The following BIRC6 variants were observed in gnomAD, a reference collection of about 807,000 sequenced individuals.
BIRC6 encodes baculoviral IAP repeat containing 6.
In BIRC6, 98 loss-of-function variants were observed where a neutral mutation model predicts 503.3. The ratio of observed to expected loss-of-function variants is 0.19; its 90% CI spans 0.17 to 0.23. The LOEUF (loss-of-function observed/expected upper bound fraction) is 0.23, where lower values mean the gene tolerates loss of function less well. BIRC6 is among the 10% of genes least tolerant of loss of function. The probability of loss-of-function intolerance (pLI) is 1.00; values close to 1 mark genes in which losing one functional copy is unlikely to be tolerated. For synonymous variants in BIRC6, 2,240 were observed against 2,078.7 expected, an observed-to-expected ratio of 1.08 and a Z score of -2.11; for missense variants, 5,360 against 5,806.0, an observed-to-expected ratio of 0.92 and a Z score of 2.50.
Position 32,574,967 on chromosome 2 carries a change from C to T in BIRC6, c.13145-189C>T, listed in dbSNP as rs567050383. On this transcript the variant is annotated intron_variant, in intron 65 of 73. Coordinates refer to ENST00000421745, the MANE Select transcript of BIRC6 (RefSeq NM_016252.4). ...TTCTACATGTTGGTCAGGCTGGTCT[C>T]GAACTCCCGACCTCGGGTGATCTGC... 32 of 609,936 alleles carry T rather than the reference C, an allele frequency of 5.2e-5. 1 individual carries two copies. Among genetic ancestry groups the T allele is most frequent in the South Asian group, 2.7e-4 (14 of 51,312 alleles). 37.8% of individuals were successfully genotyped at this position (609,936 alleles called of 1,614,324 possible).
rs766679620 is a variant in BIRC6, at chr2:32,478,800, C to G, written c.7234C>G (p.Leu2412Val). 6 of 1,612,622 alleles carry G rather than the reference C, an allele frequency of 3.7e-6. No homozygotes were observed. Among genetic ancestry groups the G allele is most frequent in the Admixed American group, 3.4e-5 (2 of 59,620 alleles). Residue 2412 changes from leucine (L) to valine (V), a missense_variant, in exon 36 of 74, where the codon CTA (leucine) becomes GTA (valine). Transcript: ENST00000421745. The stretch of plus-strand genomic sequence containing the variant: ...GGCTCAGTATTCCTTAACTTGCATG[C>G]TACAAGATATTTTAGCAGGTGTGTT... Reference protein sequence around the residue: ...AWAQYSLTCMLQDILAGELLA... With the variant: ...AWAQYSLTCMVQDILAGELLA...
chr2:32,404,539 C>G (rs1452368795), intron 8 of BIRC6, among the ~76,000 whole-genome samples: 1 of 152,088 alleles, frequency 6.6e-6, no homozygotes, highest in Admixed American at 6.6e-5. Flanking sequence ...GTCTCAAACT[C>G]CGGGCCTCAC....
intron 10 of BIRC6, among the ~76,000 whole-genome samples, chr2:32,425,704 C>G (rs1040723650): frequency 1.3e-5 from 2 of 152,204 alleles, no homozygotes; most frequent in African/African-American, 4.8e-5. Flanking sequence ...CCTGTAGATC[C>G]TGTTTCGGCT....
chr2:32,514,887 G>A (rs973265668), intron 54 of BIRC6, 103 bp from the exon 55 acceptor site: 2 of 843,362 alleles, frequency 2.4e-6, no homozygotes, highest in Non-Finnish European at 3.6e-6. Flanking sequence ...GTCAAATAAA[G>A]TATATAATGT....
intron 65 of BIRC6, among the ~76,000 whole-genome samples, chr2:32,568,207 A>G (rs1359480919): frequency 6.7e-6 from 1 of 149,416 alleles, no homozygotes; most frequent in Non-Finnish European, 1.5e-5. Context: ...TTTTTTCAGG[A>G]TAATCTATTT....
At chr2:32,494,526 G>A (rs544490303) in intron 45 of BIRC6, among the ~76,000 whole-genome samples, 24 of 151,780 alleles carry the variant, frequency 1.6e-4, no homozygotes, top group African/African-American at 5.6e-4. Context: ...GTGCCTGGCC[G>A]AAAAGTTTTA....
At chr2:32,530,284 C>G (rs538878368) in intron 60 of BIRC6, among the ~76,000 whole-genome samples, 3 of 152,172 alleles carry the variant, frequency 2.0e-5, no homozygotes, top group East Asian at 3.9e-4. Context: ...GATCTTAGTT[C>G]ACTGCAACCT....
chr2:32,480,017 T>C (rs6543657), intron 37 of BIRC6, among the ~76,000 whole-genome samples: 85,940 of 151,876 alleles, frequency 0.57, 24,634 homozygotes, highest in Middle Eastern at 0.6. Context: ...AATTAGCATG[T>C]ATAATCCTTT....
intron 57 of BIRC6, chr2:32,523,454 T>C (rs1180433736): frequency 6.6e-6 from 1 of 152,242 alleles, no homozygotes; most frequent in Non-Finnish European, 1.5e-5. Context: ...AATTTCTTAT[T>C]ATTTAAATGT....
chr2:32,554,205 C>T (rs1327334203), intron 65 of BIRC6, among the ~76,000 whole-genome samples: 1 of 152,060 alleles, frequency 6.6e-6, no homozygotes, highest in Non-Finnish European at 1.5e-5. Context: ...AAATTATTTG[C>T]CATTAACTTA....
In BIRC6 at chr2:32,357,312, G is replaced by A. The variant is rs1012185838; in HGVS notation, c.151G>A (p.Gly51Arg). 8 of 1,527,788 alleles carry A rather than the reference G, an allele frequency of 5.2e-6. No individual in the cohort carries two copies. The highest frequency in any genetic ancestry group is 7.0e-6 in the Non-Finnish European group (8 of 1,140,210). 94.6% of individuals were successfully genotyped at this position (1,527,788 alleles called of 1,614,324 possible). A position where few individuals can be genotyped will look rare whatever the true frequency, so the allele number is the denominator to read the frequency against. Residue 51 changes from glycine to arginine, a missense_variant, in exon 1 of 74, where the codon GGG becomes AGG. Physicochemically the swap from Gly to Arg is moderately radical, Grantham distance 125. Transcript: ENST00000421745. The surrounding 1 kb of genome is among the most constrained non-coding windows in gnomAD (Gnocchi z 4.9). ...CTCGGCGGCGGGGGCGGGGGCGGCC[G>A]GGGTCTCAGAGTGGCTGGTGCTGCG... ...CSSAAGAGAAGVSEWLVLRDG... is the reference protein window; with the variant it reads ...CSSAAGAGAARVSEWLVLRDG...
Position 32,576,601 on chromosome 2 carries a change from A to T in BIRC6, c.13355+1235A>T, listed in dbSNP as rs72858110. ...GCTTTTTCTCACTTATTTTTTAAGA[A>T]CCTATGACTTAAGAAATAGTGTAGA... On this transcript the variant is annotated intron_variant, in intron 66 of 73. Coordinates refer to ENST00000421745, the MANE Select transcript of BIRC6 (RefSeq NM_016252.4). Among the ~76,000 whole-genome samples the T allele has an allele frequency of 8.9e-3, 1,353 of 152,298 alleles. 16 individuals carry two copies. The highest frequency in any genetic ancestry group is 0.031 in the African/African-American group (1,291 of 41,574).
intron 53 of BIRC6, among the ~76,000 whole-genome samples, chr2:32,511,201 C>CTTTTT: frequency 0.021 from 1,016 of 48,334 alleles, no homozygotes; most frequent in Middle Eastern, 0.026. Flanking sequence ...CTTTTCTTTT[C>CTTTTT]TTTTTTTTTT....
In BIRC6 at chr2:32,508,621, A is replaced by G. The variant is rs151087614; in HGVS notation, c.9980+362A>G. ...TCTGAACCATACCAACTGACCTTAG[A>G]AACAGCGACCTAGTCTTATATGGTA... On this transcript the variant is annotated intron_variant, in intron 51 of 73. Transcript: ENST00000421745. 3.9e-3 allele frequency among the ~76,000 whole-genome samples: 590 copies of G among 152,214 alleles called. 3 individuals are homozygous for G. The highest frequency in any genetic ancestry group is 0.013 in the African/African-American group (558 of 41,528).
chr2:32,471,022 G>T lies in BIRC6; in HGVS notation c.6490G>T (p.Asp2164Tyr). Reference sequence around the variant, plus strand: ...CTGTCATCTCTCTCCAGGAGTACTAGATATTCCCATGATCAGTTGGGTTGT... The same window carrying T: ...CTGTCATCTCTCTCCAGGAGTACTATATATTCCCATGATCAGTTGGGTTGT... The part of the protein sequence containing the change: ...PMHRRTEGVL[D>Y]IPMISWVVML... Residue 2164 changes from aspartate (D) to tyrosine (Y), a missense_variant, in exon 32 of 74, where the codon GAT (aspartate) becomes TAT (tyrosine). By Grantham distance (160) the Asp-to-Tyr change is radical (BLOSUM62 -3). Coordinates refer to ENST00000421745, the MANE Select transcript of BIRC6 (RefSeq NM_016252.4). The T allele has an allele frequency of 6.4e-7, 1 of 1,569,328 alleles. No homozygotes were observed. Among genetic ancestry groups the T allele is most frequent in the South Asian group, 1.2e-5 (1 of 85,354 alleles).
chr2:32,377,252 T>C (rs2149361049), intron 1 of BIRC6, among the ~76,000 whole-genome samples: 1 of 151,416 alleles, frequency 6.6e-6, no homozygotes, highest in South Asian at 2.1e-4. Flanking sequence ...TGTGTGTGTA[T>C]ACACATCATA....
intron 39 of BIRC6, among the ~76,000 whole-genome samples, chr2:32,484,056 A>G (rs931356655): frequency 3.9e-5 from 6 of 152,126 alleles, no homozygotes; most frequent in African/African-American, 9.7e-5. Flanking sequence ...ACTGCCTCCT[A>G]GAATCAAGAA....
At chr2:32,503,908 C>G (rs184959089) in intron 49 of BIRC6, among the ~76,000 whole-genome samples, 259 of 151,458 alleles carry the variant, frequency 1.7e-3, no homozygotes, top group African/African-American at 6.0e-3. Context: ...GAGTCTCACT[C>G]TCACCTAGGC....
At position 32,469,559 on chromosome 2, in the gene BIRC6, A is replaced by C; in HGVS notation, c.6292A>C (p.Asn2098His). The C allele has an allele frequency of 6.2e-7, 1 of 1,613,868 alleles. No homozygotes were observed. Among genetic ancestry groups the C allele is most frequent in the South Asian group, 1.1e-5 (1 of 91,084 alleles). Reference protein sequence around the residue: ...GERWWGQFLSNVLQELYNSEQ... With the variant: ...GERWWGQFLSHVLQELYNSEQ... ...AAGGTGGTGGGGTCAATTTCTTTCTAATGTCCTTCAGGAATTGTACAATTC... is the reference window on the plus strand; with the variant it reads ...AAGGTGGTGGGGTCAATTTCTTTCTCATGTCCTTCAGGAATTGTACAATTC... Residue 2098 changes from asparagine to histidine, a missense_variant, in exon 30 of 74, where the codon AAT becomes CAT. Asn to His is a moderately conservative substitution (Grantham distance 68). This residue lies in a region of BIRC6 where 2,299 missense variants were observed against 2,267.2 expected (regional missense o/e 1.01). Coordinates refer to ENST00000421745, the MANE Select transcript of BIRC6 (RefSeq NM_016252.4).
Sources: allele counts gnomAD v4.1 joint callset (sites outside exome capture counted in the v4.1 genomes callset), GRCh38; gene constraint gnomAD v4.1.1; regional missense constraint gnomAD v4.1.1; non-coding constraint Gnocchi (gnomAD v3.1); transcripts MANE v1.5; gene names NCBI Gene and HGNC (gene_info 2026-07-23, HGNC 2026-07-21).